Variants in SEC61A1 observed in about 807,000 individuals in gnomAD.
SEC61A1 encodes protein transport protein Sec61 subunit alpha isoform 1.
Under a neutral mutation model 55.2 loss-of-function variants are expected in SEC61A1, and 15 were observed. The ratio of observed to expected loss-of-function variants is 0.27; its 90% CI spans 0.18 to 0.42. The LOEUF (loss-of-function observed/expected upper bound fraction) is 0.42, where lower values mean the gene tolerates loss of function less well. Ranked by LOEUF, SEC61A1 falls within the 10% of genes least tolerant of loss-of-function variation. SEC61A1 has a pLI of 1.00. For synonymous variants in SEC61A1, 247 were observed against 234.0 expected, an observed-to-expected ratio of 1.06 and a Z score of -0.51; for missense variants, 284 against 602.6, an observed-to-expected ratio of 0.47 and a Z score of 5.53.
chr3:128,052,401 G>C, upstream of SEC61A1: 1 of 1,210,486 alleles, frequency 8.3e-7, no homozygotes. Flanking sequence ...GCCCCGCCCC[G>C]CGCCGCGCCG....
At chr3:128,052,033 C>A, upstream of SEC61A1, 1 of 773,284 alleles carries the variant, frequency 1.3e-6, no homozygotes, top group Non-Finnish European at 2.2e-6. Context: ...TATTCACTAA[C>A]GTCAAAGAGC....
chr3:128,059,364 T>C (rs1941821267), intron 5 of SEC61A1, among the ~76,000 whole-genome samples: 2 of 151,608 alleles, frequency 1.3e-5, no homozygotes, highest in Admixed American at 1.3e-4. Context: ...TCCTAGCTAC[T>C]CCAGAGGCTG....
chr3:128,055,114 G>T lies in SEC61A1; in HGVS notation c.76-402G>T, dbSNP rs72974019. ...ACTCAAATGAAAAGTGGTTGCTCGT[G>T]TGTTTTACAAGTCATGTTCTATTGT... is the stretch of plus-strand genomic sequence containing the variant. On this transcript the variant is annotated intron_variant, in intron 2 of 11. Coordinates refer to ENST00000243253, the MANE Select transcript of SEC61A1 (RefSeq NM_013336.4). 8.7e-4 allele frequency among the ~76,000 whole-genome samples: 132 copies of T among 152,350 alleles called. 1 individual carries two copies. Among genetic ancestry groups the T allele is most frequent in the African/African-American group, 3.1e-3 (128 of 41,576 alleles).
intron 1 of SEC61A1, 126 bp from the exon 2 acceptor site, chr3:128,052,709 G>A: frequency 3.3e-6 from 5 of 1,501,664 alleles, no homozygotes; most frequent in Non-Finnish European, 4.5e-6. Flanking sequence ...ATCCCCACGC[G>A]TCCGGGGTGC....
Position 128,068,060 on chromosome 3 carries a change from G to T in SEC61A1, c.1244+1G>T. The T allele has an allele frequency of 6.2e-7, 1 of 1,613,160 alleles. No homozygotes were observed. The highest frequency in any genetic ancestry group is 8.5e-7 in the Non-Finnish European group (1 of 1,179,318). On this transcript the variant is annotated splice_donor_variant, in intron 11 of 11. Coordinates refer to ENST00000243253, the MANE Select transcript of SEC61A1 (RefSeq NM_013336.4). LOFTEE classifies it high-confidence loss of function. ...CCTCCATGGTCCATGAACTCAACCGGTGAGTGGTGGCCCCAGGTCCCCAAC... is the reference window on the plus strand; with the variant it reads ...CCTCCATGGTCCATGAACTCAACCGTTGAGTGGTGGCCCCAGGTCCCCAAC...
At chr3:128,058,895 A>G (rs1941814978) in intron 5 of SEC61A1, among the ~76,000 whole-genome samples, 1 of 152,212 alleles carries the variant, frequency 6.6e-6, no homozygotes. Context: ...AAGTACAAGC[A>G]CAAATTGGCT....
At position 128,067,037 on chromosome 3, in the gene SEC61A1, C is replaced by CA; in HGVS notation, c.863dup (p.Asn288LysfsTer94). On this transcript the variant is annotated frameshift_variant, in exon 9 of 12. Transcript: ENST00000243253. LOFTEE classifies it high-confidence loss of function. The surrounding 1 kb of genome is among the most constrained non-coding windows in gnomAD (Gnocchi z 4.1). ...ATCCCATCAAGCTCTTCTATACGTC[C>CA]AACATCCCCATCATCCTGCAGTCTG... The CA allele has an allele frequency of 6.2e-7, 1 of 1,614,188 alleles. No individual in the cohort carries two copies. Among genetic ancestry groups the CA allele is most frequent in the Non-Finnish European group, 8.5e-7 (1 of 1,180,016 alleles).
chr3:128,051,825 A>T (rs1047226703), upstream of SEC61A1: 5 of 1,535,604 alleles, frequency 3.3e-6, no homozygotes, highest in Non-Finnish European at 4.4e-6. Context: ...CCAGAAACTC[A>T]TCCCATTCGT....
chr3:128,070,480 TCTC>T lies in SEC61A1; in HGVS notation c.*822_*824del, dbSNP rs756050751. 1 of 152,228 alleles carries T rather than the reference TCTC, an allele frequency of 6.6e-6. No individual in the cohort carries two copies. 9.4% of individuals were successfully genotyped at this position (152,228 alleles called of 1,614,324 possible). Reference sequence around the variant, plus strand: ...ATTCTGCCAGTCATCACTGGACACGTCTCCTCGCAGCTGCCCTAGCAAGGGGAG... The same window carrying T: ...ATTCTGCCAGTCATCACTGGACACGTCTCGCAGCTGCCCTAGCAAGGGGAG... On this transcript the variant is annotated 3_prime_UTR_variant, in exon 12 of 12. Transcript: ENST00000243253.
intron 8 of SEC61A1, chr3:128,065,299 T>C (rs1941932758): frequency 3.3e-6 from 2 of 597,276 alleles, no homozygotes; most frequent in Non-Finnish European, 6.0e-6. Context: ...TATCGACAGG[T>C]AAGATACATT....
Position 128,064,251 on chromosome 3 carries a change from G to T in SEC61A1, c.617-626G>T, listed in dbSNP as rs1326972647. ...GATGACCCCTTTCAGCTAGAGTTCA[G>T]CAGAGTCTGCTTTTATTTTTATAAA... On this transcript the variant is annotated intron_variant, in intron 7 of 11. Transcript: ENST00000243253. Among the ~76,000 whole-genome samples, 6 of 152,204 alleles carry T rather than the reference G, an allele frequency of 3.9e-5. No individual in the cohort carries two copies. In the East Asian group the frequency reaches 9.6e-4, roughly 24 times the overall value.
chr3:128,058,185 A>T (rs1559795136), intron 5 of SEC61A1, among the ~76,000 whole-genome samples: 1 of 150,922 alleles, frequency 6.6e-6, no homozygotes, highest in Non-Finnish European at 1.5e-5. Flanking sequence ...TGGATAATTG[A>T]ATGAGAAATA....
chr3:128,058,851 TAAAAC>T (rs574234894), intron 5 of SEC61A1, among the ~76,000 whole-genome samples: 17 of 152,150 alleles, frequency 1.1e-4, no homozygotes, highest in South Asian at 2.1e-4. Flanking sequence ...GCCTGTCTCT[TAAAAC>T]AAAACAAAAA....
At chr3:128,051,979 G>C (rs1045965758), upstream of SEC61A1, 3 of 1,182,424 alleles carry the variant, frequency 2.5e-6, no homozygotes, top group African/African-American at 3.0e-5. Context: ...CGGGCGCCGC[G>C]GTAGACGCTG....
chr3:128,065,184 G>C, intron 8 of SEC61A1, 147 bp downstream of exon 8: 2 of 913,650 alleles, frequency 2.2e-6, no homozygotes, highest in Non-Finnish European at 3.6e-6. Flanking sequence ...CAGGTTTCCA[G>C]ATGAGCTGGA....
In SEC61A1 at chr3:128,052,516, A is replaced by G; in HGVS notation, c.-37A>G. 1 of 1,591,558 alleles carries G rather than the reference A, an allele frequency of 6.3e-7. No homozygotes were observed. ...CGTCGCCTCACGCGGAGCAGAGCTG[A>G]GCTGAAGCGGGACCCGGAGCCCGAG... On this transcript the variant is annotated 5_prime_UTR_variant, in exon 1 of 12. Transcript: ENST00000243253.
At chr3:128,058,201 A>ATTTTTTTT (rs57508280) in intron 5 of SEC61A1, among the ~76,000 whole-genome samples, 22 of 79,372 alleles carry the variant, frequency 2.8e-4, no homozygotes, top group South Asian at 5.4e-4. Flanking sequence ...AAATACGTCT[A>ATTTTTTTT]TTTTTTTTTT....
chr3:128,055,436 A>C, intron 2 of SEC61A1, 80 bp from the exon 3 acceptor site: 4 of 1,104,128 alleles, frequency 3.6e-6, no homozygotes, highest in Non-Finnish European at 5.6e-6. Context: ...TTTTAGAGAA[A>C]GGGGTCTGAT....
At chr3:128,066,929 G>A (rs1490938184) in intron 8 of SEC61A1, 25 bp from the exon 9 acceptor site, 11 of 1,613,222 alleles carry the variant, frequency 6.8e-6, no homozygotes, top group Middle Eastern at 1.6e-4. Flanking sequence ...CAGTGAAGGG[G>A]ATTTGGTTCT....
Sources: gnomAD v4.1 joint callset for allele counts (sites outside exome capture counted in the v4.1 genomes callset) on GRCh38, gnomAD v4.1.1 for gene constraint, Gnocchi (gnomAD v3.1) non-coding constraint, MANE v1.5 for transcripts, NCBI Gene and HGNC (gene_info 2026-07-23, HGNC 2026-07-21) for gene names.